TNPO2: variants seen among roughly 807,000 people sequenced by gnomAD.
The protein encoded by TNPO2 is transportin 2, also known as transportin-2.
In TNPO2, 16 loss-of-function variants were observed where a neutral mutation model predicts 111.1. The observed-to-expected ratio is 0.14, with a 90% CI of 0.10 to 0.22. The LOEUF is 0.22. Among genes scored for constraint, TNPO2 ranks in the 10% least tolerant of loss-of-function variants. The pLI, the probability that TNPO2 is intolerant of heterozygous loss-of-function variation, is 1.00. For missense variants in TNPO2, 530 were observed against 1,173.7 expected (o/e 0.45, Z 8.01); for synonymous variants, 481 against 475.8 (o/e 1.01, Z -0.14).
intron 5 of TNPO2, among the ~76,000 whole-genome samples, chr19:12,716,617 C>G (rs540071901): frequency 1.3e-5 from 2 of 151,666 alleles, no homozygotes; most frequent in South Asian, 2.1e-4. Flanking sequence ...GAGCAAGACT[C>G]CATTTCAAAA....
chr19:12,720,435 C>T (rs755403097), intron 3 of TNPO2, among the ~76,000 whole-genome samples: 11 of 152,286 alleles, frequency 7.2e-5, no homozygotes, highest in Middle Eastern at 3.4e-3. Context: ...ATCCTCCCAC[C>T]TCATCCTCCC....
In TNPO2 at chr19:12,715,606, T is replaced by C; in HGVS notation, c.432+27A>G. The C allele has an allele frequency of 6.2e-7, 1 of 1,613,724 alleles. No individual in the cohort carries two copies. The highest frequency in any genetic ancestry group is 1.1e-5 in the South Asian group (1 of 91,058). On this transcript the variant is annotated intron_variant, in intron 6 of 25. Transcript: ENST00000425528. This position sits in a 1 kb window ranked among gnomAD's most constrained non-coding sequence, Gnocchi z 7.1. ...GTGGTCCCAGCCCCCCAGTACTCGC[T>C]CTGGCCATCCATGGCTTCTTGCCTA...
At position 12,706,310 on chromosome 19, in the gene TNPO2, G is replaced by A. The variant is rs1374953540; in HGVS notation, c.1554C>T (p.Tyr518=). ...ACTELVPYLS[Y]ILDTLVFAFG... Reference sequence around the variant, plus strand: ...AGGCAAAGACAAGGGTGTCCAGGATGTAGCTGAGGTAGGGCACCAGCTCCG... The same window carrying A: ...AGGCAAAGACAAGGGTGTCCAGGATATAGCTGAGGTAGGGCACCAGCTCCG... The change falls in exon 15 of 26, where the codon TAC becomes TAT. Residue 518 remains tyrosine, a synonymous_variant. Transcript: ENST00000425528. This position sits in a 1 kb window ranked among gnomAD's most constrained non-coding sequence, Gnocchi z 7.0. The A allele has an allele frequency of 6.2e-7, 1 of 1,614,042 alleles. No individual in the cohort carries two copies. The highest frequency in any genetic ancestry group is 1.7e-5 in the Admixed American group (1 of 60,014).
rs1245639207 is a variant in TNPO2, at chr19:12,700,602, C to T, written c.*662G>A. On this transcript the variant is annotated 3_prime_UTR_variant, in exon 26 of 26. Coordinates refer to ENST00000425528, the MANE Select transcript of TNPO2 (RefSeq NM_001382241.1). Reference sequence around the variant, plus strand: ...ATGTGCGTGCTGACAGGGCGACTCCCAAGGTCACCATCCTCCTCCCCCCGC... The same window carrying T: ...ATGTGCGTGCTGACAGGGCGACTCCTAAGGTCACCATCCTCCTCCCCCCGC... 6.6e-6 allele frequency: 1 copy of T among 152,162 alleles called. No homozygotes were observed. Among genetic ancestry groups the T allele is most frequent in the African/African-American group, 2.4e-5 (1 of 41,420 alleles). The allele number at this position is 152,162 out of a possible 1,614,324, so 9.4% of individuals were successfully genotyped here. A position where few individuals can be genotyped will look rare whatever the true frequency, so the allele number is the denominator to read the frequency against.
chr19:12,721,267 G>A lies in TNPO2; in HGVS notation c.-13-277C>T, dbSNP rs1225428103. The A allele has an allele frequency of 2.3e-6, 3 of 1,291,454 alleles. No individual in the cohort carries two copies. Among genetic ancestry groups the A allele is most frequent in the African/African-American group, 1.6e-5 (1 of 62,304 alleles). The allele number at this position is 1,291,454 out of a possible 1,614,324, so 80.0% of individuals were successfully genotyped here. A position where few individuals can be genotyped will look rare whatever the true frequency, so the allele number is the denominator to read the frequency against. ...GCGGATCCTCATGGGACCCAGCGAAGAGCCCTCGTCCCAGGGTGGCCCATG... is the reference window on the plus strand; with the variant it reads ...GCGGATCCTCATGGGACCCAGCGAAAAGCCCTCGTCCCAGGGTGGCCCATG... On this transcript the variant is annotated intron_variant, in intron 2 of 25. Transcript: ENST00000425528. This position sits in a 1 kb window ranked among gnomAD's most constrained non-coding sequence, Gnocchi z 4.9.
rs888563129 is a variant in TNPO2 at position 12,719,949 on chromosome 19, G to T, written c.100-613C>A. Among the ~76,000 whole-genome samples, 1 of 149,182 alleles carries T rather than the reference G, an allele frequency of 6.7e-6. No homozygotes were observed. The highest frequency in any genetic ancestry group is 2.6e-5 in the African/African-American group (1 of 39,024). On this transcript the variant is annotated intron_variant, in intron 3 of 25. Transcript: ENST00000425528. This position sits in a 1 kb window ranked among gnomAD's most constrained non-coding sequence, Gnocchi z 5.0. The stretch of plus-strand genomic sequence containing the variant: ...TCAGCGATCCCCACTAACAGGCCAT[G>T]AAGACTTTTTTTTTTTTTTTAAAAG...
chr19:12,703,508 A>C lies in TNPO2; in HGVS notation c.2129T>G (p.Leu710Arg), dbSNP rs1428194592. 1 of 1,613,948 alleles carries C rather than the reference A, an allele frequency of 6.2e-7. No homozygotes were observed. Among genetic ancestry groups the C allele is most frequent in the African/African-American group, 1.3e-5 (1 of 74,938 alleles). ...KPCIAEFMPI[L>R]GTNLNPEFIS... The stretch of plus-strand genomic sequence containing the variant: ...GAACTCTGGGTTCAGGTTGGTGCCC[A>C]GAATGGGCATGAACTCGGCTGGTGG... Residue 710 changes from leucine to arginine, a missense_variant, in exon 20 of 26, where the codon CTG (leucine) becomes CGG (arginine). Coordinates refer to ENST00000425528, the MANE Select transcript of TNPO2 (RefSeq NM_001382241.1).
At chr19:12,708,042 G>A (rs996436089) in intron 13 of TNPO2, among the ~76,000 whole-genome samples, 1 of 152,102 alleles carries the variant, frequency 6.6e-6, no homozygotes, top group Non-Finnish European at 1.5e-5. Flanking sequence ...GGCTGGTCTC[G>A]AACTCCTGAC....
rs1363582441 is a variant in TNPO2, at chr19:12,718,005, TTTTA to T, written c.325+1020_325+1023del. Reference sequence around the variant, plus strand: ...CCAGAAGTCATTTTTTTTGTTTTTATTTTATTTAGTTTTTTTTGAGATGGAGTCT... The same window carrying T: ...CCAGAAGTCATTTTTTTTGTTTTTATTTTAGTTTTTTTTGAGATGGAGTCT... On this transcript the variant is annotated intron_variant, in intron 5 of 25. Coordinates refer to ENST00000425528, the MANE Select transcript of TNPO2 (RefSeq NM_001382241.1). Among the ~76,000 whole-genome samples the T allele has an allele frequency of 5.3e-5, 8 of 151,970 alleles. No homozygotes were observed. The East Asian group carries it at 1.6e-3, about 29-fold the overall frequency.
chr19:12,705,093 T>C lies in TNPO2; in HGVS notation c.2022+147A>G. On this transcript the variant is annotated intron_variant, in intron 18 of 25. Coordinates refer to ENST00000425528, the MANE Select transcript of TNPO2 (RefSeq NM_001382241.1). The surrounding 1 kb of genome is among the most constrained non-coding windows in gnomAD (Gnocchi z 7.2). ...TCAAACTCCTGGGCTCAAGCAATCC[T>C]GCCTCGGCCTCCAGGATTACTCTTT... 1 of 852,994 alleles carries C rather than the reference T, an allele frequency of 1.2e-6. No individual in the cohort carries two copies. Among genetic ancestry groups the C allele is most frequent in the Non-Finnish European group, 1.8e-6 (1 of 558,882 alleles). 52.8% of individuals were successfully genotyped at this position (852,994 alleles called of 1,614,324 possible).
chr19:12,720,143 A>G (rs2026595823), intron 3 of TNPO2, among the ~76,000 whole-genome samples: 1 of 152,012 alleles, frequency 6.6e-6, no homozygotes, highest in Non-Finnish European at 1.5e-5. Context: ...CAGCCTCCCA[A>G]TTAGCTGAGA....
In TNPO2 at chr19:12,719,408, A is replaced by G. The variant is rs80264991; in HGVS notation, c.100-72T>C. On this transcript the variant is annotated intron_variant, in intron 3 of 25. Transcript: ENST00000425528. The surrounding 1 kb of genome is among the most constrained non-coding windows in gnomAD (Gnocchi z 5.0). ...CAGGTCCCCTCATTATGTACCTGAC[A>G]CTATCTCTGACCACTGGGACCAGGC... 22,180 of 1,314,168 alleles carry G rather than the reference A, an allele frequency of 0.017. 264 individuals carry two copies. Among genetic ancestry groups the G allele is most frequent in the Middle Eastern group, 0.025 (128 of 5,206 alleles). The allele number at this position is 1,314,168 out of a possible 1,614,324, so 81.4% of individuals were successfully genotyped here.
chr19:12,722,951 G>T (rs1436358412), intron 2 of TNPO2, among the ~76,000 whole-genome samples: 2 of 152,152 alleles, frequency 1.3e-5, no homozygotes, highest in African/African-American at 4.8e-5. Flanking sequence ...ACTAAAAATT[G>T]AAATGTGCCT....
chr19:12,721,257 A>G lies in TNPO2; in HGVS notation c.-13-267T>C. ...GCGGGGCCCGGCGGATCCTCATGGGACCCAGCGAAGAGCCCTCGTCCCAGG... is the reference window on the plus strand; with the variant it reads ...GCGGGGCCCGGCGGATCCTCATGGGGCCCAGCGAAGAGCCCTCGTCCCAGG... On this transcript the variant is annotated intron_variant, in intron 2 of 25. Transcript: ENST00000425528. The surrounding 1 kb of genome is among the most constrained non-coding windows in gnomAD (Gnocchi z 4.9). 7.7e-7 allele frequency: 1 copy of G among 1,300,360 alleles called. No homozygotes were observed. Among genetic ancestry groups the G allele is most frequent in the Non-Finnish European group, 9.8e-7 (1 of 1,020,082 alleles). The allele number at this position is 1,300,360 out of a possible 1,614,324, so 80.6% of individuals were successfully genotyped here.
rs759896357 is a variant in TNPO2 at position 12,700,928 on chromosome 19, G to C, written c.*336C>G. 5.4e-6 allele frequency: 1 copy of C among 186,642 alleles called. No homozygotes were observed. The highest frequency in any genetic ancestry group is 1.1e-5 in the Non-Finnish European group (1 of 88,992). 11.6% of individuals were successfully genotyped at this position (186,642 alleles called of 1,614,324 possible). A position where few individuals can be genotyped will look rare whatever the true frequency, so the allele number is the denominator to read the frequency against. On this transcript the variant is annotated 3_prime_UTR_variant, in exon 26 of 26. Transcript: ENST00000425528. ...CTCCTCCCTCACCTCATCCGAAGCC[G>C]GATTCGGTCAGCTGTGTAATTCCTC...
intron 18 of TNPO2, among the ~76,000 whole-genome samples, chr19:12,704,624 G>GATGT (rs1284280808): frequency 6.6e-6 from 1 of 152,200 alleles, no homozygotes; most frequent in Non-Finnish European, 1.5e-5. Context: ...AGAACCCACA[G>GATGT]ATACAGAGAG....
chr19:12,703,661 T>C, intron 19 of TNPO2, 53 bp downstream of exon 19: 2 of 1,593,012 alleles, frequency 1.3e-6, no homozygotes, highest in Non-Finnish European at 8.6e-7. Context: ...TTGCTCTCCA[T>C]CACTTGAGGC....
At chr19:12,707,541 G>A (rs1372572840) in intron 13 of TNPO2, among the ~76,000 whole-genome samples, 1 of 125,842 alleles carries the variant, frequency 7.9e-6, no homozygotes, top group African/African-American at 3.0e-5. Flanking sequence ...CCAGGCTAGA[G>A]TGCAGTGGTG....
intron 13 of TNPO2, among the ~76,000 whole-genome samples, chr19:12,709,740 C>A (rs1180080499): frequency 6.6e-6 from 1 of 151,426 alleles, no homozygotes; most frequent in African/African-American, 2.4e-5. Context: ...GCCTCAGCCT[C>A]CCAAAGTGCT....
Sources: gnomAD v4.1 joint callset for allele counts (sites outside exome capture counted in the v4.1 genomes callset) on GRCh38, gnomAD v4.1.1 for gene constraint, Gnocchi (gnomAD v3.1) non-coding constraint, MANE v1.5 for transcripts, NCBI Gene and HGNC (gene_info 2026-07-23, HGNC 2026-07-21) for gene names.